The following CTNNA3 variants were observed in gnomAD, a reference collection of about 807,000 sequenced individuals.
The protein encoded by CTNNA3 is catenin alpha 3, also known as catenin alpha-3.
Under a neutral mutation model 95.7 loss-of-function variants are expected in CTNNA3, and 76 were observed. The observed-to-expected ratio is 0.79, with a 90% confidence interval of 0.66 to 0.96. CTNNA3 has a LOEUF of 0.96. Among genes scored for constraint, CTNNA3 ranks in the 40% least tolerant of loss-of-function variants. The pLI is 0.00. For synonymous variants in CTNNA3, 431 were observed against 374.4 expected (o/e 1.15, Z -1.74); for missense variants, 1,191 against 1,089.8 (o/e 1.09, Z -1.31).
At chr10:67,701,862 T>C (rs988252798) in intron 1 of CTNNA3, among the ~76,000 whole-genome samples, 8 of 152,122 alleles carry the variant, frequency 5.3e-5, no homozygotes, top group African/African-American at 1.7e-4. Context: ...CCCATCAGTG[T>C]GCTGTATTCA....
chr10:67,114,404 T>C (rs1307292200), intron 7 of CTNNA3, among the ~76,000 whole-genome samples: 2 of 152,150 alleles, frequency 1.3e-5, no homozygotes, highest in Non-Finnish European at 2.9e-5. Flanking sequence ...GAAATTAATT[T>C]ACAAATCTAA....
At chr10:66,655,766 C>T (rs1343662987) in intron 9 of CTNNA3, among the ~76,000 whole-genome samples, 1 of 151,966 alleles carries the variant, frequency 6.6e-6, no homozygotes, top group African/African-American at 2.4e-5. Flanking sequence ...CTAGGAATTA[C>T]AGAAGAATTG....
chr10:67,249,590 A>C lies in CTNNA3; in HGVS notation c.580-29720T>G, dbSNP rs115124056. 8.7e-3 allele frequency among the ~76,000 whole-genome samples: 1,322 copies of C among 152,368 alleles called. 13 individuals carry two copies. Among genetic ancestry groups the C allele is most frequent in the African/African-American group, 0.019 (806 of 41,594 alleles). ...ACCGTATGTATTACCGAGCTTGTAA[A>C]TAAAGACCAAAACATTTCTAATATT... On this transcript the variant is annotated intron_variant, in intron 5 of 17. Transcript: ENST00000433211.
intron 3 of CTNNA3, among the ~76,000 whole-genome samples, chr10:67,577,101 T>C (rs1047957173): frequency 1.8e-4 from 27 of 151,086 alleles, no homozygotes; most frequent in African/African-American, 6.6e-4. Context: ...ATGGTATTTG[T>C]AGTTCTAGAT....
intron 13 of CTNNA3, among the ~76,000 whole-genome samples, chr10:66,177,012 C>T (rs1364205713): frequency 6.6e-6 from 1 of 151,874 alleles, no homozygotes; most frequent in African/African-American, 2.4e-5. Flanking sequence ...GAGAACTAAG[C>T]GAAGGAGGGA....
intron 2 of CTNNA3, among the ~76,000 whole-genome samples, chr10:67,636,364 C>A (rs906390925): frequency 1.3e-5 from 2 of 152,142 alleles, no homozygotes; most frequent in East Asian, 3.8e-4. Flanking sequence ...ATAGCCAAGA[C>A]AATCCTAAGC....
intron 7 of CTNNA3, among the ~76,000 whole-genome samples, chr10:67,064,842 T>C (rs748551201): frequency 1.3e-5 from 2 of 152,236 alleles, no homozygotes; most frequent in East Asian, 3.8e-4. Flanking sequence ...GAGGGACAGA[T>C]GAATTCTCTA....
intron 11 of CTNNA3, among the ~76,000 whole-genome samples, chr10:66,380,657 A>G (rs2092831635): frequency 6.7e-6 from 1 of 149,334 alleles, no homozygotes; most frequent in Non-Finnish European, 1.5e-5. Flanking sequence ...TTAATTATAT[A>G]TAGTTAAAAT....
chr10:67,511,983 A>T (rs1353843246), intron 5 of CTNNA3, among the ~76,000 whole-genome samples: 2 of 152,156 alleles, frequency 1.3e-5, no homozygotes, highest in Non-Finnish European at 2.9e-5. Context: ...TTATTTGCGT[A>T]GAGGTGTTTA....
chr10:66,260,625 A>C (rs2090963021), intron 13 of CTNNA3, among the ~76,000 whole-genome samples: 1 of 152,118 alleles, frequency 6.6e-6, no homozygotes, highest in Non-Finnish European at 1.5e-5. Flanking sequence ...TTACCTACTC[A>C]AATTTCTTCA....
At chr10:65,986,507 T>C (rs1437067836) in intron 16 of CTNNA3, among the ~76,000 whole-genome samples, 2 of 151,172 alleles carry the variant, frequency 1.3e-5, no homozygotes, top group Admixed American at 1.3e-4. Context: ...TCAATATAAC[T>C]AAAGAGGTGA....
chr10:66,704,479 C>T (rs112000289), intron 9 of CTNNA3, among the ~76,000 whole-genome samples: 2 of 152,258 alleles, frequency 1.3e-5, no homozygotes, highest in African/African-American at 4.8e-5. Context: ...GTCTTGGCCC[C>T]ATGTGACACA....
chr10:66,351,014 C>T (rs1438625758), intron 12 of CTNNA3, among the ~76,000 whole-genome samples: 1 of 151,856 alleles, frequency 6.6e-6, no homozygotes, highest in African/African-American at 2.4e-5. Context: ...TATACTATAT[C>T]AGATTATTTG....
At chr10:66,448,405 T>G (rs1375810862) in intron 11 of CTNNA3, among the ~76,000 whole-genome samples, 1 of 152,094 alleles carries the variant, frequency 6.6e-6, no homozygotes, top group African/African-American at 2.4e-5. Context: ...CTATTCACAA[T>G]AGCAAAGACT....
chr10:67,524,258 C>A (rs1163014630), intron 4 of CTNNA3, among the ~76,000 whole-genome samples: 1 of 151,854 alleles, frequency 6.6e-6, no homozygotes, highest in Non-Finnish European at 1.5e-5. Context: ...AAAAAATTAG[C>A]CAGGAGAGGT....
chr10:66,536,153 GAGAGAGAGACAGAGACAGAGAGAGAC>G (rs2132063300), intron 10 of CTNNA3, among the ~76,000 whole-genome samples: 1 of 151,380 alleles, frequency 6.6e-6, no homozygotes, highest in East Asian at 1.9e-4. Flanking sequence ...GAGAGAGAGA[GAGAGAGAGACAGAGACAGAGAGAGAC>G]AGAGAGAGAG....
At chr10:66,998,362 G>GCATA (rs1851476108) in intron 7 of CTNNA3, among the ~76,000 whole-genome samples, 1 of 152,106 alleles carries the variant, frequency 6.6e-6, no homozygotes, top group African/African-American at 2.4e-5. Context: ...AGCACAAGAA[G>GCATA]CATAGTTAAT....
chr10:66,642,145 C>A (rs1589056890), intron 9 of CTNNA3, among the ~76,000 whole-genome samples: 1 of 151,912 alleles, frequency 6.6e-6, no homozygotes, highest in Admixed American at 6.6e-5. Flanking sequence ...CTCATCTATC[C>A]CTAACTTCTC....
intron 7 of CTNNA3, among the ~76,000 whole-genome samples, chr10:67,087,063 C>A (rs1039494832): frequency 3.3e-5 from 5 of 152,010 alleles, no homozygotes; most frequent in Admixed American, 1.3e-4. Context: ...ATTAGAGAGG[C>A]TTTTGAGCCA....
Sources: gnomAD v4.1 joint callset for allele counts (sites outside exome capture counted in the v4.1 genomes callset) on GRCh38, gnomAD v4.1.1 for gene constraint, MANE v1.5 for transcripts, NCBI Gene and HGNC (gene_info 2026-07-23, HGNC 2026-07-21) for gene names.